Variants in MAN1A2 observed in about 807,000 individuals in gnomAD.
MAN1A2 encodes the protein mannosyl-oligosaccharide 1,2-alpha-mannosidase IB.
Under a neutral mutation model 75.7 loss-of-function variants are expected in MAN1A2, and 26 were observed. The observed-to-expected ratio is 0.34, with a 90% CI of 0.25 to 0.48. The LOEUF is 0.48. Among genes scored for constraint, MAN1A2 ranks in the 20% least tolerant of loss-of-function variants. The pLI, the probability that MAN1A2 is intolerant of heterozygous loss-of-function variation, is 0.99. For synonymous variants in MAN1A2, 247 were observed against 264.6 expected (o/e 0.93, Z 0.65); for missense variants, 562 against 775.5 (o/e 0.72, Z 3.27).
chr1:117,441,614 T>C (rs776028992), intron 5 of MAN1A2, among the ~76,000 whole-genome samples: 1 of 152,120 alleles, frequency 6.6e-6, no homozygotes. Context: ...TACTACATGC[T>C]AAGAAAATAG....
At chr1:117,403,398 C>T (rs1221150844) in intron 2 of MAN1A2, among the ~76,000 whole-genome samples, 3 of 152,162 alleles carry the variant, frequency 2.0e-5, no homozygotes, top group African/African-American at 7.2e-5. Context: ...GCACTTCCTT[C>T]GGACAGTGTT....
chr1:117,432,006 A>C lies in MAN1A2; in HGVS notation c.856-10225A>C, dbSNP rs145840551. On this transcript the variant is annotated intron_variant, in intron 5 of 12. Coordinates refer to ENST00000356554, the MANE Select transcript of MAN1A2 (RefSeq NM_006699.5). ...CATGATGGAATTAAATTAGAAATCA[A>C]TAATAGACATCAGGAAAAACTTCAA... Among the ~76,000 whole-genome samples the C allele has an allele frequency of 2.0e-5, 3 of 152,342 alleles. No individual in the cohort carries two copies. The East Asian group carries it at 5.8e-4, about 29-fold the overall frequency.
intron 6 of MAN1A2, among the ~76,000 whole-genome samples, chr1:117,456,299 A>G (rs1019874352): frequency 2.0e-5 from 3 of 152,054 alleles, no homozygotes; most frequent in African/African-American, 7.2e-5. Context: ...TTTACAGTAT[A>G]TTAAAAATGT....
At chr1:117,455,616 A>T (rs765483819) in intron 6 of MAN1A2, among the ~76,000 whole-genome samples, 10 of 152,106 alleles carry the variant, frequency 6.6e-5, no homozygotes, top group Non-Finnish European at 1.5e-4. Context: ...ACATATTTAG[A>T]AAAAAGTTTG....
At chr1:117,482,327 C>G (rs1024758297) in intron 8 of MAN1A2, among the ~76,000 whole-genome samples, 1 of 152,014 alleles carries the variant, frequency 6.6e-6, no homozygotes, top group African/African-American at 2.4e-5. Flanking sequence ...AATTTACACT[C>G]CCACCAACAG....
intron 11 of MAN1A2, among the ~76,000 whole-genome samples, chr1:117,502,252 C>T (rs1437334887): frequency 6.6e-6 from 1 of 151,606 alleles, no homozygotes; most frequent in Non-Finnish European, 1.5e-5. Context: ...ATAGTAAATA[C>T]CTTATAATTG....
intron 12 of MAN1A2, among the ~76,000 whole-genome samples, chr1:117,506,986 T>C (rs1439409018): frequency 6.6e-6 from 1 of 151,682 alleles, no homozygotes; most frequent in African/African-American, 2.4e-5. Context: ...TAAATATTAA[T>C]AAACAGTATT....
chr1:117,368,412 C>T lies in MAN1A2; in HGVS notation c.229C>T (p.His77Tyr). The T allele has an allele frequency of 6.2e-7, 1 of 1,614,104 alleles. No homozygotes were observed. Among genetic ancestry groups the T allele is most frequent in the Non-Finnish European group, 8.5e-7 (1 of 1,180,008 alleles). The change falls in exon 1 of 13, where the codon CAT (histidine) becomes TAT (tyrosine). Residue 77 changes from histidine (H) to tyrosine (Y), a missense_variant. Transcript: ENST00000356554. ...DLGLEDVLIP[H>Y]VDAGKGAKNP... The stretch of plus-strand genomic sequence containing the variant: ...GGGTTTAGAAGATGTGTTAATTCCA[C>T]ATGTAGATGCCGGTAAAGGGGCTAA...
intron 12 of MAN1A2, among the ~76,000 whole-genome samples, chr1:117,514,220 G>A (rs1338911280): frequency 6.6e-6 from 1 of 151,856 alleles, no homozygotes; most frequent in Non-Finnish European, 1.5e-5. Context: ...AAAATTAGCC[G>A]GGCATGGTGG....
intron 7 of MAN1A2, among the ~76,000 whole-genome samples, chr1:117,465,755 C>T (rs1310146735): frequency 6.6e-6 from 1 of 152,070 alleles, no homozygotes; most frequent in Non-Finnish European, 1.5e-5. Flanking sequence ...TCTCCAGCTT[C>T]TTAATATATT....
chr1:117,441,777 C>T (rs73018145), intron 5 of MAN1A2, among the ~76,000 whole-genome samples: 3,040 of 152,190 alleles, frequency 0.02, 34 homozygotes, highest in East Asian at 0.054. Context: ...CAAATGTTTT[C>T]TTTCCTTTTC....
At chr1:117,401,341 A>G (rs895483203) in intron 1 of MAN1A2, among the ~76,000 whole-genome samples, 1 of 152,168 alleles carries the variant, frequency 6.6e-6, no homozygotes, top group Admixed American at 6.5e-5. Context: ...CAGAGCTTGA[A>G]TTAAATTTCT....
intron 5 of MAN1A2, among the ~76,000 whole-genome samples, chr1:117,434,631 CT>C (rs1169821152): frequency 6.6e-6 from 1 of 152,016 alleles, no homozygotes; most frequent in Non-Finnish European, 1.5e-5. Flanking sequence ...ATTGATATAT[CT>C]GTTACCATAG....
chr1:117,431,180 G>A (rs1315307295), intron 5 of MAN1A2, among the ~76,000 whole-genome samples: 58 of 115,892 alleles, frequency 5.0e-4, no homozygotes, highest in Non-Finnish European at 8.0e-4. Context: ...GCATGAGAGG[G>A]AGACCGTGGG....
chr1:117,494,246 A>G (rs955490456), intron 9 of MAN1A2: 1 of 151,976 alleles, frequency 6.6e-6, no homozygotes, highest in African/African-American at 2.4e-5. Flanking sequence ...AATTGGAACA[A>G]GATTCATTCT....
intron 12 of MAN1A2, among the ~76,000 whole-genome samples, chr1:117,513,627 T>C (rs1651612348): frequency 6.6e-6 from 1 of 151,772 alleles, no homozygotes; most frequent in Non-Finnish European, 1.5e-5. Flanking sequence ...TCTAATTTAC[T>C]ATTATTAAAT....
At chr1:117,482,801 A>G (rs1409242195) in intron 8 of MAN1A2, among the ~76,000 whole-genome samples, 4 of 152,086 alleles carry the variant, frequency 2.6e-5, no homozygotes, top group Non-Finnish European at 5.9e-5. Flanking sequence ...TGTTTTAGTC[A>G]TGAAGTCCTT....
chr1:117,510,844 T>C (rs755708072), intron 12 of MAN1A2, among the ~76,000 whole-genome samples: 2 of 152,044 alleles, frequency 1.3e-5, no homozygotes, highest in Non-Finnish European at 2.9e-5. Context: ...CTTATAATTA[T>C]GCTGTTTTGA....
At chr1:117,370,616 T>C (rs1015135450) in intron 1 of MAN1A2, among the ~76,000 whole-genome samples, 1 of 152,254 alleles carries the variant, frequency 6.6e-6, no homozygotes, top group African/African-American at 2.4e-5. Flanking sequence ...AAACATTAAC[T>C]TATTTAAAAA....
Sources: gnomAD v4.1 joint callset for allele counts (sites outside exome capture counted in the v4.1 genomes callset) on GRCh38, gnomAD v4.1.1 for gene constraint, MANE v1.5 for transcripts, NCBI Gene and HGNC (gene_info 2026-07-23, HGNC 2026-07-21) for gene names.